XKR9: variants seen among roughly 807,000 people sequenced by gnomAD.
XKR9 encodes XK-related protein 9.
A neutral mutation model predicts 32.0 loss-of-function variants in XKR9; 32 were observed. That is an observed-to-expected ratio of 1.00 (90% confidence interval 0.76 to 1.34). The LOEUF is 1.34. XKR9 is among the 40% of genes most tolerant of loss of function. The pLI, the probability that XKR9 is intolerant of heterozygous loss-of-function variation, is 0.00. For synonymous variants in XKR9, 168 were observed against 143.4 expected (o/e 1.17, Z -1.22); for missense variants, 546 against 429.7 (o/e 1.27, Z -2.39).
chr8:70,789,220 A>T (rs1807731673), intron 2 of XKR9: 2 of 152,114 alleles, frequency 1.3e-5, no homozygotes, highest in Non-Finnish European at 2.9e-5. Flanking sequence ...AAAAGAAAAA[A>T]TTAAGTGTAA....
chr8:70,994,308 C>T, the XKR9 span, among the ~76,000 whole-genome samples: 1 of 152,092 alleles, frequency 6.6e-6, no homozygotes, highest in Non-Finnish European at 1.5e-5. Context: ...GATGAATTCT[C>T]TCAGTTTTTG....
At chr8:70,981,134 C>T in the XKR9 span, among the ~76,000 whole-genome samples, 455 of 152,182 alleles carry the variant, frequency 3.0e-3, 2 homozygotes, top group African/African-American at 0.01. Context: ...GATCTTTTTG[C>T]GATGAATTTC....
chr8:71,013,275 C>A, the XKR9 span, among the ~76,000 whole-genome samples: 1 of 152,072 alleles, frequency 6.6e-6, no homozygotes, highest in South Asian at 2.1e-4. Flanking sequence ...TTCTGCAGAG[C>A]CACAATCCCA....
chr8:70,779,368 G>C (rs1326484487), intron 2 of XKR9, among the ~76,000 whole-genome samples: 6 of 152,130 alleles, frequency 3.9e-5, no homozygotes. Flanking sequence ...TTTTATTGAA[G>C]ATTTTCGCAT....
intron 3 of XKR9, among the ~76,000 whole-genome samples, chr8:70,698,809 T>C (rs1375753492): frequency 7.2e-5 from 11 of 152,152 alleles, no homozygotes; most frequent in Admixed American, 7.2e-4. Flanking sequence ...ATTATTATTG[T>C]GTGGGAATCT....
the XKR9 span, among the ~76,000 whole-genome samples, chr8:70,808,492 G>T: frequency 1.3e-5 from 2 of 152,146 alleles, no homozygotes; most frequent in East Asian, 3.9e-4. Context: ...CTGAAGCAGG[G>T]TGAGGCATTG....
rs1055254381 is a variant in XKR9, at chr8:70,735,403, G to C, written c.*979G>C. On this transcript the variant is annotated 3_prime_UTR_variant, in exon 5 of 5. Coordinates refer to ENST00000408926, the MANE Select transcript of XKR9 (RefSeq NM_001011720.2). ...TAATCTCCAAATTTGTATGTTGATGGCATTTGGAAGTGGTGGGGACTTTGT... is the reference window on the plus strand; with the variant it reads ...TAATCTCCAAATTTGTATGTTGATGCCATTTGGAAGTGGTGGGGACTTTGT... 1.3e-5 allele frequency: 2 copies of C among 151,376 alleles called. No individual in the cohort carries two copies. Among genetic ancestry groups the C allele is most frequent in the East Asian group, 3.9e-4 (2 of 5,182 alleles). 9.4% of individuals were successfully genotyped at this position (151,376 alleles called of 1,614,324 possible). A position where few individuals can be genotyped will look rare whatever the true frequency, so the allele number is the denominator to read the frequency against.
At chr8:71,013,656 T>C in the XKR9 span, among the ~76,000 whole-genome samples, 1 of 152,198 alleles carries the variant, frequency 6.6e-6, no homozygotes, top group South Asian at 2.1e-4. Flanking sequence ...TGTTGCAGAA[T>C]GTCAGCTACT....
chr8:70,913,352 G>A, the XKR9 span, among the ~76,000 whole-genome samples: 1 of 152,028 alleles, frequency 6.6e-6, no homozygotes, highest in Non-Finnish European at 1.5e-5. Context: ...AATACAAAGT[G>A]TTACTACATA....
the XKR9 span, among the ~76,000 whole-genome samples, chr8:70,836,655 TA>T: frequency 6.6e-6 from 1 of 152,104 alleles, no homozygotes; most frequent in African/African-American, 2.4e-5. Context: ...AACACTACTA[TA>T]AACATTTTTG....
At chr8:70,738,090 A>C (rs868202114), downstream of XKR9, among the ~76,000 whole-genome samples, 189 of 121,744 alleles carry the variant, frequency 1.6e-3, 8 homozygotes, top group African/African-American at 4.8e-3. Flanking sequence ...CTGTGAATCC[A>C]TCTGGTCCTG....
At chr8:70,883,926 A>G in the XKR9 span, among the ~76,000 whole-genome samples, 1 of 152,128 alleles carries the variant, frequency 6.6e-6, no homozygotes, top group Admixed American at 6.5e-5. Context: ...TCAATTATGT[A>G]ATAAAAGTAT....
At chr8:70,724,073 G>A (rs1182448795) in intron 4 of XKR9, among the ~76,000 whole-genome samples, 2 of 152,058 alleles carry the variant, frequency 1.3e-5, no homozygotes, top group African/African-American at 4.8e-5. Context: ...TTTCTTCGGA[G>A]ATGCCCTGCC....
chr8:70,693,488 TGGCTGTA>T (rs1160695986), intron 3 of XKR9, among the ~76,000 whole-genome samples: 1 of 152,368 alleles, frequency 6.6e-6, no homozygotes, highest in African/African-American at 2.4e-5. Flanking sequence ...CCTTGAGTAC[TGGCTGTA>T]GTTCACAACT....
chr8:71,019,234 A>G, the XKR9 span, among the ~76,000 whole-genome samples: 6 of 152,144 alleles, frequency 3.9e-5, no homozygotes, highest in Non-Finnish European at 7.4e-5. Flanking sequence ...TGGTTAAGAA[A>G]CTTGAGGTCT....
chr8:70,695,666 G>C (rs1805244444), intron 3 of XKR9, among the ~76,000 whole-genome samples: 1 of 151,942 alleles, frequency 6.6e-6, no homozygotes, highest in African/African-American at 2.4e-5. Flanking sequence ...ATAGCAGCAT[G>C]ATTTATAATC....
At position 70,672,377 on chromosome 8, in the gene XKR9, G is replaced by C. The variant is rs1818742072; in HGVS notation, c.-360-2441G>C. On this transcript the variant is annotated intron_variant, in intron 1 of 4. Coordinates refer to ENST00000408926, the MANE Select transcript of XKR9 (RefSeq NM_001011720.2). ...GTACTGGTACCAAAACAGAGATATAGATCAATGGAACAGAACAGAGCCCTC... is the reference window on the plus strand; with the variant it reads ...GTACTGGTACCAAAACAGAGATATACATCAATGGAACAGAACAGAGCCCTC... Among the ~76,000 whole-genome samples the C allele has an allele frequency of 3.5e-5, 2 of 56,964 alleles. 1 individual carries two copies. Among genetic ancestry groups the C allele is most frequent in the Non-Finnish European group, 1.3e-4 (2 of 15,624 alleles). 37.4% of individuals were successfully genotyped at this position (56,964 alleles called of 152,430 possible).
the XKR9 span, among the ~76,000 whole-genome samples, chr8:70,910,403 T>A: frequency 6.6e-6 from 1 of 152,182 alleles, no homozygotes; most frequent in South Asian, 2.1e-4. Context: ...TAATTGGGGA[T>A]ATGGGCTCCA....
the XKR9 span, among the ~76,000 whole-genome samples, chr8:71,049,481 A>G: frequency 6.6e-6 from 1 of 152,208 alleles, no homozygotes; most frequent in Non-Finnish European, 1.5e-5. Context: ...AGGAACTAAT[A>G]ATCTGATGGT....
Sources: gnomAD v4.1 joint callset for allele counts (sites outside exome capture counted in the v4.1 genomes callset) on GRCh38, gnomAD v4.1.1 for gene constraint, MANE v1.5 for transcripts, NCBI Gene and HGNC (gene_info 2026-07-23, HGNC 2026-07-21) for gene names.